The following C6orf136 variants were observed in gnomAD, a reference collection of about 807,000 sequenced individuals.
The protein encoded by C6orf136 is chromosome 6 open reading frame 136, also known as uncharacterized protein C6orf136.
Under a neutral mutation model 44.0 loss-of-function variants are expected in C6orf136, and 29 were observed. The observed-to-expected ratio is 0.66, with a 90% CI of 0.49 to 0.90. C6orf136 has a LOEUF of 0.90. Ranked by LOEUF, C6orf136 falls within the 40% of genes least tolerant of loss-of-function variation. The pLI is 0.00. For synonymous variants in C6orf136, 293 were observed against 278.6 expected (o/e 1.05, Z -0.52); for missense variants, 628 against 669.3 (o/e 0.94, Z 0.68).
chr6:30,649,624 C>G lies in C6orf136; in HGVS notation c.682C>G (p.Pro228Ala). Residue 228 changes from proline to alanine, a missense_variant, in exon 2 of 6, where the codon CCA (proline) becomes GCA (alanine). Pro to Ala is a conservative substitution (Grantham distance 27, BLOSUM62 -1). This residue lies in a region of C6orf136 where 497 missense variants were observed against 469.2 expected (regional missense o/e 1.06). Coordinates refer to ENST00000651131, the MANE Select transcript of C6orf136 (RefSeq NM_001161376.2). ...LWPHSTTTTS[P>A]SSPLFWSPLP... is the part of the protein sequence containing the mutation. ...GCCCCACTCCACGACAACCACTTCCCCATCTTCTCCTCTATTCTGGTCTCC... is the reference window on the plus strand; with the variant it reads ...GCCCCACTCCACGACAACCACTTCCGCATCTTCTCCTCTATTCTGGTCTCC... The G allele has an allele frequency of 6.3e-7, 1 of 1,595,802 alleles. No individual in the cohort carries two copies. The highest frequency in any genetic ancestry group is 1.1e-5 in the South Asian group (1 of 87,986).
At chr6:30,650,663 A>G (rs1177600151) in intron 2 of C6orf136, among the ~76,000 whole-genome samples, 1 of 152,008 alleles carries the variant, frequency 6.6e-6, no homozygotes, top group Non-Finnish European at 1.5e-5. Context: ...GGTGCCTGTA[A>G]TCCCAGCTAC....
intron 2 of C6orf136, 54 bp downstream of exon 2, chr6:30,650,013 C>A (rs1767260615): frequency 3.3e-6 from 5 of 1,502,342 alleles, no homozygotes; most frequent in Non-Finnish European, 4.6e-6. Flanking sequence ...GTGGGTAATC[C>A]TTGGACGTAC....
chr6:30,652,369 A>AATTGTTAG (rs1767514577), intron 4 of C6orf136, among the ~76,000 whole-genome samples: 1 of 152,064 alleles, frequency 6.6e-6, no homozygotes, highest in African/African-American at 2.4e-5. Flanking sequence ...AATCCCAATA[A>AATTGTTAG]ATTGTTAGAC....
Position 30,652,850 on chromosome 6 carries a change from G to T in C6orf136, c.1426G>T (p.Gly476Ter). 1 of 1,613,056 alleles carries T rather than the reference G, an allele frequency of 6.2e-7. No individual in the cohort carries two copies. Among genetic ancestry groups the T allele is most frequent in the Non-Finnish European group, 8.5e-7 (1 of 1,180,034 alleles). ...PPTPVKKLLV[G>*]ALVALGLSEP... is the part of the protein sequence containing the mutation. ...AACGCCTGTGAAGAAGCTGCTAGTGGGAGCCCTGGTGGCCCTGGGGCTGTC... is the reference window on the plus strand; with the variant it reads ...AACGCCTGTGAAGAAGCTGCTAGTGTGAGCCCTGGTGGCCCTGGGGCTGTC... The change falls in exon 6 of 6, where the codon GGA becomes TGA. Residue 476 changes from glycine (G) to a stop codon, truncating the protein, a stop_gained. Coordinates refer to ENST00000651131, the MANE Select transcript of C6orf136 (RefSeq NM_001161376.2). LOFTEE classifies it high-confidence loss of function.
In C6orf136 at chr6:30,647,755, T is replaced by C. The variant is rs1229705474; in HGVS notation, c.524T>C (p.Val175Ala). Reference sequence around the variant, plus strand: ...CGGTCCTGGCAGGAAGGCCGGCCAGTGTGCACCCGGTTCGGGCCCCTGCGC... The same window carrying C: ...CGGTCCTGGCAGGAAGGCCGGCCAGCGTGCACCCGGTTCGGGCCCCTGCGC... ...GERSWQEGRP[V>A]CTRFGPLRPG... The change falls in exon 1 of 6, where the codon GTG becomes GCG. Residue 175 changes from valine to alanine, a missense_variant. Coordinates refer to ENST00000651131, the MANE Select transcript of C6orf136 (RefSeq NM_001161376.2). The surrounding 1 kb of genome is among the most constrained non-coding windows in gnomAD (Gnocchi z 4.8). 6 of 1,548,190 alleles carry C rather than the reference T, an allele frequency of 3.9e-6. No individual in the cohort carries two copies. The highest frequency in any genetic ancestry group is 4.9e-5 in the East Asian group (2 of 40,870).
chr6:30,649,233 C>T lies in C6orf136; in HGVS notation c.616-325C>T, dbSNP rs1289395176. ...CAAAAACTAGCTGGGCATGGTGGCG[C>T]GCGCCTGTAGTCCCAGCTACTCAGG... On this transcript the variant is annotated intron_variant, in intron 1 of 5. Transcript: ENST00000651131. Among the ~76,000 whole-genome samples the T allele has an allele frequency of 2.0e-5, 3 of 149,574 alleles. No homozygotes were observed. The East Asian group carries it at 6.1e-4, about 30-fold the overall frequency.
chr6:30,653,015 T>C lies in C6orf136; in HGVS notation c.*100T>C, dbSNP rs1767594745. On this transcript the variant is annotated 3_prime_UTR_variant, in exon 6 of 6. Coordinates refer to ENST00000651131, the MANE Select transcript of C6orf136 (RefSeq NM_001161376.2). ...TCAGGAGCCAGCTTCCTCTCCTCGT[T>C]TCTCTCCTTCCTTCCTTTCCATCTC... The C allele has an allele frequency of 8.4e-7, 1 of 1,194,230 alleles. No homozygotes were observed. The highest frequency in any genetic ancestry group is 2.0e-5 in the Admixed American group (1 of 49,720). The allele number at this position is 1,194,230 out of a possible 1,614,324, so 74.0% of individuals were successfully genotyped here.
Position 30,647,223 on chromosome 6 carries a change from C to T in C6orf136, c.-9C>T. On this transcript the variant is annotated 5_prime_UTR_variant, in exon 1 of 6. Coordinates refer to ENST00000651131, the MANE Select transcript of C6orf136 (RefSeq NM_001161376.2). The surrounding 1 kb of genome is among the most constrained non-coding windows in gnomAD (Gnocchi z 4.8). ...ACTCAGGAGGCTCCTTCTCCACTCCCGGAAGATCATGTACCAGCCCAGCCG... is the reference window on the plus strand; with the variant it reads ...ACTCAGGAGGCTCCTTCTCCACTCCTGGAAGATCATGTACCAGCCCAGCCG... The T allele has an allele frequency of 6.3e-7, 1 of 1,578,198 alleles. No individual in the cohort carries two copies. The highest frequency in any genetic ancestry group is 8.6e-7 in the Non-Finnish European group (1 of 1,167,288).
rs1474020936 is a variant in C6orf136, at chr6:30,652,649, AC to A, written c.1311del (p.Tyr438MetfsTer9). The A allele has an allele frequency of 6.2e-7, 1 of 1,612,868 alleles. No individual in the cohort carries two copies. Among genetic ancestry groups the A allele is most frequent in the Non-Finnish European group, 8.5e-7 (1 of 1,179,904 alleles). On this transcript the variant is annotated frameshift_variant and splice_region_variant, in exon 5 of 6. Coordinates refer to ENST00000651131, the MANE Select transcript of C6orf136 (RefSeq NM_001161376.2). LOFTEE classifies it high-confidence loss of function. ...AGTAAGCCTCCCTCTATTCCCCAGG[AC>A]CTATGATGCCTACTCCACTTTCTAC... ...YKRDKDEHYR[T>X]YDAYSTFYLN...
chr6:30,647,521 G>T lies in C6orf136; in HGVS notation c.290G>T (p.Gly97Val), dbSNP rs747264656. ...ACRARTSVLP[G>V]LRAVRRGQGQ... ...CGCGCAAGGACGTCGGTCCTCCCAG[G>T]TTTGAGGGCGGTCAGGCGGGGTCAA... The change falls in exon 1 of 6, where the codon GGT (glycine) becomes GTT (valine). Residue 97 changes from glycine (G) to valine (V), a missense_variant. Gly to Val is a moderately radical substitution (Grantham distance 109, BLOSUM62 -3). Around this residue, in one of 2 missense-constraint regions of C6orf136, gnomAD observed 497 missense variants for 469.2 expected, o/e 1.06. Coordinates refer to ENST00000651131, the MANE Select transcript of C6orf136 (RefSeq NM_001161376.2). This position sits in a 1 kb window ranked among gnomAD's most constrained non-coding sequence, Gnocchi z 4.8. 2 of 1,516,892 alleles carry T rather than the reference G, an allele frequency of 1.3e-6. No homozygotes were observed. The highest frequency in any genetic ancestry group is 2.5e-5 in the East Asian group (1 of 40,134). 94.0% of individuals were successfully genotyped at this position (1,516,892 alleles called of 1,614,324 possible).
At position 30,652,950 on chromosome 6, in the gene C6orf136, T is replaced by C. The variant is rs753140414; in HGVS notation, c.*35T>C. On this transcript the variant is annotated 3_prime_UTR_variant, in exon 6 of 6. Coordinates refer to ENST00000651131, the MANE Select transcript of C6orf136 (RefSeq NM_001161376.2). Reference sequence around the variant, plus strand: ...TTGGAGTGGAGGCAGCACTGAAGACTGCTACGCCCAAGAGAAGGAGGTGGA... The same window carrying C: ...TTGGAGTGGAGGCAGCACTGAAGACCGCTACGCCCAAGAGAAGGAGGTGGA... 3.8e-6 allele frequency: 6 copies of C among 1,567,238 alleles called. No individual in the cohort carries two copies. Among genetic ancestry groups the C allele is most frequent in the South Asian group, 2.2e-5 (2 of 90,154 alleles).
At position 30,647,453 on chromosome 6, in the gene C6orf136, G is replaced by C. The variant is rs925765586; in HGVS notation, c.222G>C (p.Arg74Ser). The change falls in exon 1 of 6, where the codon AGG becomes AGC. Residue 74 changes from arginine (R) to serine (S), a missense_variant. Physicochemically the swap from Arg to Ser is moderately radical, Grantham distance 110. Transcript: ENST00000651131. This position sits in a 1 kb window ranked among gnomAD's most constrained non-coding sequence, Gnocchi z 4.8. Reference sequence around the variant, plus strand: ...CCTGTGCCCTGCAGCGCGTGGACAGGCTAGGGGTCGCGGGAGCGGGAGGGA... The same window carrying C: ...CCTGTGCCCTGCAGCGCGTGGACAGCCTAGGGGTCGCGGGAGCGGGAGGGA... Reference protein sequence around the residue: ...LPTCALQRVDRLGVAGAGGRR... With the variant: ...LPTCALQRVDSLGVAGAGGRR... 1.8e-5 allele frequency: 26 copies of C among 1,483,396 alleles called. No homozygotes were observed. The highest frequency in any genetic ancestry group is 2.5e-5 in the East Asian group (1 of 39,722). The allele number at this position is 1,483,396 out of a possible 1,614,324, so 91.9% of individuals were successfully genotyped here.
Position 30,647,815 on chromosome 6 carries a change from A to C in C6orf136, c.584A>C (p.Asp195Ala). 4 of 1,529,052 alleles carry C rather than the reference A, an allele frequency of 2.6e-6. No homozygotes were observed. Among genetic ancestry groups the C allele is most frequent in the Non-Finnish European group, 2.6e-6 (3 of 1,139,848 alleles). The allele number at this position is 1,529,052 out of a possible 1,614,324, so 94.7% of individuals were successfully genotyped here. A position where few individuals can be genotyped will look rare whatever the true frequency, so the allele number is the denominator to read the frequency against. ...CAAGATGGCCACGCCCCCAGCAGAG[A>C]CGGCGCCTCTAGGACACCATCGGGG... ...GWQDGHAPSR[D>A]GASRTPSGTE... Residue 195 changes from aspartate to alanine, a missense_variant, in exon 1 of 6, where the codon GAC becomes GCC. Physicochemically the swap from Asp to Ala is moderately radical, Grantham distance 126. This residue lies in a region of C6orf136 where 497 missense variants were observed against 469.2 expected (regional missense o/e 1.06). Transcript: ENST00000651131. This position sits in a 1 kb window ranked among gnomAD's most constrained non-coding sequence, Gnocchi z 4.8.
chr6:30,649,005 CA>C (rs1373031549), intron 1 of C6orf136, among the ~76,000 whole-genome samples: 1 of 147,990 alleles, frequency 6.8e-6, no homozygotes, highest in East Asian at 2.0e-4. Flanking sequence ...GACTTCGTCT[CA>C]AAAAAAGAAA....
chr6:30,647,369 T>A lies in C6orf136; in HGVS notation c.138T>A (p.Arg46=). The A allele has an allele frequency of 2.0e-6, 3 of 1,510,870 alleles. No individual in the cohort carries two copies. Among genetic ancestry groups the A allele is most frequent in the Non-Finnish European group, 2.6e-6 (3 of 1,132,480 alleles). The allele number at this position is 1,510,870 out of a possible 1,614,324, so 93.6% of individuals were successfully genotyped here. Residue 46 remains arginine (R), a synonymous_variant, in exon 1 of 6, where the codon CGT becomes CGA. Transcript: ENST00000651131. The surrounding 1 kb of genome is among the most constrained non-coding windows in gnomAD (Gnocchi z 4.8). ...GGERPSSKPV[R]GAERALGSAQ... The stretch of plus-strand genomic sequence containing the variant: ...AGAGACCCTCCTCAAAGCCGGTGCG[T>A]GGGGCGGAGCGCGCGCTGGGTTCCG...
Position 30,652,819 on chromosome 6 carries a change from AC to A in C6orf136, c.1397del (p.Pro466LeufsTer5). ...CCCTGCAGCTGATGCCTTCACACTC[AC>A]CTCCAACGCCTGTGAAGAAGCTGCT... ...RLDKLMPSHS[P>X]PTPVKKLLVG... On this transcript the variant is annotated frameshift_variant, in exon 6 of 6. Transcript: ENST00000651131. LOFTEE classifies it high-confidence loss of function. The A allele has an allele frequency of 6.2e-7, 1 of 1,612,792 alleles. No homozygotes were observed. Among genetic ancestry groups the A allele is most frequent in the Middle Eastern group, 1.7e-4 (1 of 6,060 alleles).
rs966681907 is a variant in C6orf136 at position 30,652,939 on chromosome 6, G to C, written c.*24G>C. 9 of 1,590,018 alleles carry C rather than the reference G, an allele frequency of 5.7e-6. No individual in the cohort carries two copies. Among genetic ancestry groups the C allele is most frequent in the Non-Finnish European group, 7.8e-6 (9 of 1,159,950 alleles). On this transcript the variant is annotated 3_prime_UTR_variant, in exon 6 of 6. Coordinates refer to ENST00000651131, the MANE Select transcript of C6orf136 (RefSeq NM_001161376.2). ...GATCCTTGACCTTGGAGTGGAGGCA[G>C]CACTGAAGACTGCTACGCCCAAGAG... is the stretch of plus-strand genomic sequence containing the variant.
Position 30,647,558 on chromosome 6 carries a change from G to A in C6orf136, c.327G>A (p.Ala109=), listed in dbSNP as rs1766963693. 6.5e-7 allele frequency: 1 copy of A among 1,531,272 alleles called. No homozygotes were observed. The highest frequency in any genetic ancestry group is 8.8e-7 in the Non-Finnish European group (1 of 1,132,434). 94.9% of individuals were successfully genotyped at this position (1,531,272 alleles called of 1,614,324 possible). The stretch of plus-strand genomic sequence containing the variant: ...TCAGGCGGGGTCAAGGCCAGGCAGC[G>A]GGGCGCGTCTGCGTTGCGCCCGACT... ...RAVRRGQGQA[A]GRVCVAPDSP... is the part of the protein sequence containing the mutation. The change falls in exon 1 of 6, where the codon GCG becomes GCA. Residue 109 remains alanine, a synonymous_variant. Transcript: ENST00000651131. The surrounding 1 kb of genome is among the most constrained non-coding windows in gnomAD (Gnocchi z 4.8).
chr6:30,651,413 C>T lies in C6orf136; in HGVS notation c.1254C>T (p.Pro418=), dbSNP rs746405414. 5 of 1,612,800 alleles carry T rather than the reference C, an allele frequency of 3.1e-6. No individual in the cohort carries two copies. The highest frequency in any genetic ancestry group is 1.1e-5 in the South Asian group (1 of 91,082). Residue 418 remains proline, a synonymous_variant, in exon 4 of 6, where the codon CCC becomes CCT. Transcript: ENST00000651131. ...CCCGGTGGCGGCTTGTGGGGCTGCCCGTCCACTTGCTCTTTTTGCGGTTCT... is the reference window on the plus strand; with the variant it reads ...CCCGGTGGCGGCTTGTGGGGCTGCCTGTCCACTTGCTCTTTTTGCGGTTCT... The part of the protein sequence containing the change: ...LQARWRLVGL[P]VHLLFLRFYK...
Sources: gnomAD v4.1 joint callset for allele counts (sites outside exome capture counted in the v4.1 genomes callset) on GRCh38, gnomAD v4.1.1 for gene constraint, gnomAD v4.1.1 regional missense constraint, Gnocchi (gnomAD v3.1) non-coding constraint, MANE v1.5 for transcripts, NCBI Gene and HGNC (gene_info 2026-07-23, HGNC 2026-07-21) for gene names.